ITSN1: variants seen among roughly 807,000 people sequenced by gnomAD.
The protein encoded by ITSN1 is intersectin 1, also known as intersectin-1.
ITSN1 carries 58 observed loss-of-function variants against 239.8 expected under a neutral mutation model. The ratio of observed to expected loss-of-function variants is 0.24; its 90% confidence interval spans 0.20 to 0.30. The LOEUF (loss-of-function observed/expected upper bound fraction) is 0.30. ITSN1 is among the 10% of genes least tolerant of loss of function. ITSN1 has a pLI of 1.00. For missense variants in ITSN1, 1,558 were observed against 2,103.3 expected (o/e 0.74, Z 5.07); for synonymous variants, 780 against 770.8 (o/e 1.01, Z -0.20).
intron 1 of ITSN1, among the ~76,000 whole-genome samples, chr21:33,649,502 G>C (rs987775842): frequency 1.3e-5 from 2 of 152,148 alleles, no homozygotes; most frequent in Non-Finnish European, 2.9e-5. Context: ...ACTGCCCAGA[G>C]AGAACATTGG....
At chr21:33,816,748 A>T (rs2073299873) in intron 22 of ITSN1, among the ~76,000 whole-genome samples, 1 of 152,178 alleles carries the variant, frequency 6.6e-6, no homozygotes, top group Admixed American at 6.5e-5. Context: ...GGGCTGTGGG[A>T]TGAGGAGCTA....
In ITSN1 at chr21:33,690,610, A is replaced by T. The variant is rs1258831647; in HGVS notation, c.-32-28187A>T. Among the ~76,000 whole-genome samples the T allele has an allele frequency of 4.7e-5, 7 of 147,938 alleles. No homozygotes were observed. In the East Asian group the frequency reaches 1.4e-3, roughly 30 times the overall value. ...GCGAGACTCCGTTTCAAAAAAAAAA[A>T]ATTAGCCAGGCATGGTGGTGGATGC... On this transcript the variant is annotated intron_variant, in intron 1 of 39. Coordinates refer to ENST00000381318, the MANE Select transcript of ITSN1 (RefSeq NM_003024.3).
chr21:33,662,483 G>T lies in ITSN1; in HGVS notation c.-33+19770G>T, dbSNP rs76931733. ...AAACATTTGAGCAAATAGGTGATGG[G>T]GTATTGCCTTTTTTGGGGTCTTCTG... On this transcript the variant is annotated intron_variant, in intron 1 of 39. Transcript: ENST00000381318. 3.5e-3 allele frequency among the ~76,000 whole-genome samples: 532 copies of T among 152,142 alleles called. 2 individuals are homozygous for T. The highest frequency in any genetic ancestry group is 0.012 in the African/African-American group (514 of 41,514).
intron 4 of ITSN1, among the ~76,000 whole-genome samples, chr21:33,730,388 CTTTTTTTTTTTTTTTTTTT>C: frequency 2.0e-5 from 1 of 49,368 alleles, no homozygotes; most frequent in South Asian, 6.9e-4. Flanking sequence ...GCTCTCTGTT[CTTTTTTTTTTTTTTTTTTT>C]TTTTTTTTTC....
chr21:33,827,046 C>A (rs1401856229), intron 26 of ITSN1, among the ~76,000 whole-genome samples, 183 bp downstream of exon 26: 2 of 152,224 alleles, frequency 1.3e-5, no homozygotes, highest in Non-Finnish European at 2.9e-5. Flanking sequence ...TTGTCTGTTG[C>A]TTCACACATG....
At chr21:33,884,367 C>T (rs1248679391) in intron 36 of ITSN1, among the ~76,000 whole-genome samples, 1 of 152,140 alleles carries the variant, frequency 6.6e-6, no homozygotes, top group South Asian at 2.1e-4. Context: ...CTCTCCTCAC[C>T]TTGGCTGACT....
At position 33,894,492 on chromosome 21, in the gene ITSN1, A is replaced by T. The variant is rs2148589292; in HGVS notation, c.*6192A>T. ...ATCTGCCTAGTATGAATATTTTAGT[A>T]TTCAAAGCCCACCAGATAAAGCTGT... On this transcript the variant is annotated 3_prime_UTR_variant, in exon 40 of 40. Coordinates refer to ENST00000381318, the MANE Select transcript of ITSN1 (RefSeq NM_003024.3). 6.6e-6 allele frequency: 1 copy of T among 152,238 alleles called. No individual in the cohort carries two copies. Among genetic ancestry groups the T allele is most frequent in the Non-Finnish European group, 1.5e-5 (1 of 68,016 alleles). The allele number at this position is 152,238 out of a possible 1,614,324, so 9.4% of individuals were successfully genotyped here.
chr21:33,766,111 C>A, intron 10 of ITSN1, 99 bp downstream of exon 10: 1 of 1,276,254 alleles, frequency 7.8e-7, no homozygotes, highest in Non-Finnish European at 1.1e-6. Flanking sequence ...TCATCCCTGA[C>A]AAGGAAACTA....
intron 9 of ITSN1, among the ~76,000 whole-genome samples, chr21:33,764,217 C>T (rs1416946054): frequency 5.3e-5 from 8 of 152,170 alleles, no homozygotes; most frequent in East Asian, 1.9e-4. Context: ...TTGAGAAAAA[C>T]GCTTGAGGCT....
In ITSN1 at chr21:33,811,209, G is replaced by A. The variant is rs567513630; in HGVS notation, c.2554G>A (p.Asp852Asn). Residue 852 changes from aspartate to asparagine, a missense_variant, in exon 21 of 40, where the codon GAC becomes AAC. By Grantham distance (23) the Asp-to-Asn change is conservative. This residue lies in a region of ITSN1 where 982 missense variants were observed against 1,209.9 expected (regional missense o/e 0.81). Transcript: ENST00000381318. ...CTCCACGACCCCTAATAACTGGGCC[G>A]ACTTCAGCTCCACGTACGTGTTGGT... ...EPSTTPNNWA[D>N]FSSTWPTSTN... 1.9e-5 allele frequency: 30 copies of A among 1,591,222 alleles called. No homozygotes were observed. Among genetic ancestry groups the A allele is most frequent in the South Asian group, 6.7e-5 (6 of 89,414 alleles).
intron 1 of ITSN1, among the ~76,000 whole-genome samples, chr21:33,654,191 C>T (rs2088825413): frequency 1.3e-5 from 2 of 151,864 alleles, no homozygotes; most frequent in South Asian, 4.2e-4. Context: ...TGACTACAGC[C>T]ACAGCCACGC....
chr21:33,733,673 T>G (rs1229443140), intron 4 of ITSN1, among the ~76,000 whole-genome samples: 5 of 152,136 alleles, frequency 3.3e-5, no homozygotes, highest in Non-Finnish European at 7.4e-5. Context: ...AAGCAGTTCA[T>G]AGAAGTGCAA....
chr21:33,888,577 A>C lies in ITSN1; in HGVS notation c.*277A>C. On this transcript the variant is annotated 3_prime_UTR_variant, in exon 40 of 40. Coordinates refer to ENST00000381318, the MANE Select transcript of ITSN1 (RefSeq NM_003024.3). ...GGTCGCTGAAATCCCATAGCCCTCAACAGGGTGCAGCTGGGAGTCTAGCCC... is the reference window on the plus strand; with the variant it reads ...GGTCGCTGAAATCCCATAGCCCTCACCAGGGTGCAGCTGGGAGTCTAGCCC... The C allele has an allele frequency of 3.2e-6, 1 of 308,588 alleles. No individual in the cohort carries two copies. Among genetic ancestry groups the C allele is most frequent in the Non-Finnish European group, 6.0e-6 (1 of 167,112 alleles). 19.1% of individuals were successfully genotyped at this position (308,588 alleles called of 1,614,324 possible). A position where few individuals can be genotyped will look rare whatever the true frequency, so the allele number is the denominator to read the frequency against.
intron 31 of ITSN1, among the ~76,000 whole-genome samples, chr21:33,862,704 C>T (rs374739560): frequency 3.4e-4 from 52 of 152,320 alleles, no homozygotes; most frequent in East Asian, 1.5e-3. Flanking sequence ...TGGTCCCAAC[C>T]ATGGGCTCTG....
At chr21:33,770,095 C>T (rs893688606) in intron 11 of ITSN1, among the ~76,000 whole-genome samples, 1 of 151,842 alleles carries the variant, frequency 6.6e-6, no homozygotes, top group African/African-American at 2.4e-5. Flanking sequence ...TGGAGTTTTG[C>T]TCTTGTTGCC....
intron 5 of ITSN1, among the ~76,000 whole-genome samples, chr21:33,738,377 A>G (rs1420876524): frequency 1.3e-5 from 2 of 152,086 alleles, no homozygotes; most frequent in Non-Finnish European, 2.9e-5. Context: ...TATTTCTAAC[A>G]AAGGAGATAG....
intron 1 of ITSN1, among the ~76,000 whole-genome samples, chr21:33,690,323 C>T (rs530309139): frequency 2.5e-4 from 37 of 145,194 alleles, no homozygotes; most frequent in Non-Finnish European, 5.0e-4. Context: ...AGGCGTGGCC[C>T]GGTGCAGTGG....
At chr21:33,773,344 T>C (rs1411721954) in intron 12 of ITSN1, among the ~76,000 whole-genome samples, 1 of 152,112 alleles carries the variant, frequency 6.6e-6, no homozygotes, top group Non-Finnish European at 1.5e-5. Context: ...TAAAAATATG[T>C]CTGGGACATC....
chr21:33,807,981 C>T lies in ITSN1; in HGVS notation c.2320-2994C>T, dbSNP rs557396026. On this transcript the variant is annotated intron_variant, in intron 20 of 39. Transcript: ENST00000381318. ...CGGGTGGATCATGAGGTCAGGAGATCGAGACCATCCTGGCTAACAAGGTGA... is the reference window on the plus strand; with the variant it reads ...CGGGTGGATCATGAGGTCAGGAGATTGAGACCATCCTGGCTAACAAGGTGA... Among the ~76,000 whole-genome samples, 635 of 150,136 alleles carry T rather than the reference C, an allele frequency of 4.2e-3. 2 individuals carry two copies. The highest frequency in any genetic ancestry group is 4.9e-3 in the Non-Finnish European group (331 of 67,544).
Sources: gnomAD v4.1 joint callset for allele counts (sites outside exome capture counted in the v4.1 genomes callset) on GRCh38, gnomAD v4.1.1 for gene constraint, gnomAD v4.1.1 regional missense constraint, MANE v1.5 for transcripts, NCBI Gene and HGNC (gene_info 2026-07-23, HGNC 2026-07-21) for gene names.